The following CPAMD8 variants were observed in gnomAD, a reference collection of about 807,000 sequenced individuals.
The protein encoded by CPAMD8 is C3 and PZP-like alpha-2-macroglobulin domain-containing protein 8.
Under a neutral mutation model 224.7 loss-of-function variants are expected in CPAMD8, and 146 were observed. The ratio of observed to expected loss-of-function variants is 0.65; its 90% confidence interval spans 0.57 to 0.75. The LOEUF is 0.75. CPAMD8 is among the 30% of genes least tolerant of loss of function. The pLI is 0.00. For missense variants in CPAMD8, 2,301 were observed against 2,537.5 expected (o/e 0.91, Z 2.00); for synonymous variants, 966 against 1,044.6 (o/e 0.92, Z 1.45).
At chr19:16,940,482 A>G (rs538573988) in intron 22 of CPAMD8, among the ~76,000 whole-genome samples, 14 of 147,616 alleles carry the variant, frequency 9.5e-5, no homozygotes, top group Admixed American at 2.0e-4. Context: ...AAAGACCCCC[A>G]ACTTCACCTT....
At chr19:17,008,422 G>A in intron 7 of CPAMD8, 83 bp downstream of exon 7, 1 of 1,521,770 alleles carries the variant, frequency 6.6e-7, no homozygotes, top group Non-Finnish European at 9.0e-7. Flanking sequence ...TACATTAGCG[G>A]TGGGCCCTGG....
At chr19:16,926,058 G>C (rs1028565572) in intron 25 of CPAMD8, among the ~76,000 whole-genome samples, 4 of 151,964 alleles carry the variant, frequency 2.6e-5, no homozygotes, top group African/African-American at 9.7e-5. Context: ...ACTGCACCTG[G>C]TCCTAAAATA....
At chr19:16,948,182 C>A (rs898442113) in intron 20 of CPAMD8, among the ~76,000 whole-genome samples, 3 of 152,222 alleles carry the variant, frequency 2.0e-5, no homozygotes, top group Admixed American at 6.5e-5. Flanking sequence ...ATATATGGAG[C>A]ACCTACTGGG....
chr19:17,015,677 G>A (rs2056792446), intron 3 of CPAMD8, among the ~76,000 whole-genome samples: 1 of 152,124 alleles, frequency 6.6e-6, no homozygotes, highest in Non-Finnish European at 1.5e-5. Context: ...ATCCTCACCT[G>A]GCCCTGTTTC....
At chr19:16,987,616 A>G (rs982695059) in intron 13 of CPAMD8, among the ~76,000 whole-genome samples, 1 of 152,076 alleles carries the variant, frequency 6.6e-6, no homozygotes, top group African/African-American at 2.4e-5. Context: ...ATCTGTGTTG[A>G]TTGACTCTGG....
chr19:17,011,880 G>T, intron 3 of CPAMD8, 123 bp from the exon 4 acceptor site: 1 of 1,114,544 alleles, frequency 9.0e-7, no homozygotes, highest in Non-Finnish European at 1.3e-6. Context: ...TGCCCCAGGG[G>T]GACACTTGGC....
At position 17,022,060 on chromosome 19, in the gene CPAMD8, G is replaced by A. The variant is rs377244962; in HGVS notation, c.214C>T (p.Pro72Ser). 2.5e-6 allele frequency: 4 copies of A among 1,605,500 alleles called. No homozygotes were observed. Among genetic ancestry groups the A allele is most frequent in the Non-Finnish European group, 3.4e-6 (4 of 1,176,410 alleles). Reference protein sequence around the residue: ...VQAQLVAQGEPVVQSQGAILD... With the variant: ...VQAQLVAQGESVVQSQGAILD... ...ATGGCTCCCTGGCTCTGCACCACCG[G>A]CTCACCCTGGGCCACCAGCTGAGCC... The change falls in exon 2 of 42, where the codon CCG (proline) becomes TCG (serine). Residue 72 changes from proline (P) to serine (S), a missense_variant. Transcript: ENST00000443236.
chr19:16,920,536 G>A lies in CPAMD8; in HGVS notation c.3629+1369C>T, dbSNP rs189738456. Among the ~76,000 whole-genome samples, 394 of 151,412 alleles carry A rather than the reference G, an allele frequency of 2.6e-3. 1 individual carries two copies. The highest frequency in any genetic ancestry group is 3.5e-3 in the South Asian group (17 of 4,790). The stretch of plus-strand genomic sequence containing the variant: ...TGCTCATGCTGAGAGTTTAATCCCC[G>A]GAAGATGCTGAGGAGGTGTGTGCAC... On this transcript the variant is annotated intron_variant, in intron 27 of 41. Coordinates refer to ENST00000443236, the MANE Select transcript of CPAMD8 (RefSeq NM_015692.5).
chr19:16,906,404 T>TTCTTTCTTTCTTTCTC (rs1568459895), intron 30 of CPAMD8, among the ~76,000 whole-genome samples: 4 of 83,876 alleles, frequency 4.8e-5, no homozygotes, highest in African/African-American at 1.9e-4. Flanking sequence ...CTTTCTTTCT[T>TTCTTTCTTTCTTTCTC]TCTTTCCTTC....
At chr19:16,916,083 T>C (rs990257171) in intron 27 of CPAMD8, among the ~76,000 whole-genome samples, 2 of 151,912 alleles carry the variant, frequency 1.3e-5, no homozygotes, top group African/African-American at 2.4e-5. Flanking sequence ...GGTGCAGTCC[T>C]AACTCACTGT....
intron 20 of CPAMD8, among the ~76,000 whole-genome samples, chr19:16,947,638 C>T (rs1322678455): frequency 2.6e-5 from 4 of 152,210 alleles, no homozygotes; most frequent in African/African-American, 9.6e-5. Flanking sequence ...AACCGTGCAG[C>T]TCCATGATGT....
rs113676488 is a variant in CPAMD8 at position 16,894,882 on chromosome 19, C to A, written c.5426+1294G>T. The A allele has an allele frequency of 8.3e-4, 180 of 216,488 alleles. 1 individual carries two copies. The highest frequency in any genetic ancestry group is 3.8e-3 in the African/African-American group (169 of 44,486). The allele number at this position is 216,488 out of a possible 1,614,324, so 13.4% of individuals were successfully genotyped here. A position where few individuals can be genotyped will look rare whatever the true frequency, so the allele number is the denominator to read the frequency against. On this transcript the variant is annotated intron_variant, in intron 41 of 41. Coordinates refer to ENST00000443236, the MANE Select transcript of CPAMD8 (RefSeq NM_015692.5). ...TGATCATGTCTATGAACAGCCATGG[C>A]ACTCCAGCTTGGGCAACATACAGAG...
At chr19:17,014,284 C>A (rs1292628381) in intron 3 of CPAMD8, among the ~76,000 whole-genome samples, 1 of 152,042 alleles carries the variant, frequency 6.6e-6, no homozygotes, top group Non-Finnish European at 1.5e-5. Context: ...GGCTCAAACT[C>A]CTGGGCTCAT....
intron 1 of CPAMD8, 87 bp downstream of exon 1, chr19:17,026,464 G>A: frequency 7.5e-7 from 1 of 1,331,342 alleles, no homozygotes. Flanking sequence ...TGTGGCCTTG[G>A]GCAGGTCGCT....
intron 10 of CPAMD8, among the ~76,000 whole-genome samples, chr19:16,997,651 T>C (rs961120531): frequency 2.0e-5 from 3 of 151,450 alleles, no homozygotes; most frequent in East Asian, 2.0e-4. Flanking sequence ...AGGAGTTCGA[T>C]ATCAGTCTAG....
chr19:16,981,850 C>T (rs1412433829), intron 13 of CPAMD8, among the ~76,000 whole-genome samples: 1 of 152,220 alleles, frequency 6.6e-6, no homozygotes, highest in East Asian at 1.9e-4. Context: ...GCCTCAGTTT[C>T]CCCACCTGTA....
At chr19:16,925,882 T>C (rs1431488614) in intron 25 of CPAMD8, among the ~76,000 whole-genome samples, 1 of 152,032 alleles carries the variant, frequency 6.6e-6, no homozygotes, top group Non-Finnish European at 1.5e-5. Flanking sequence ...GCCTCCTGAG[T>C]AGCTGGGACT....
intron 5 of CPAMD8, 142 bp from the exon 6 acceptor site, chr19:17,009,462 A>T (rs1259733273): frequency 1.4e-6 from 2 of 1,412,006 alleles, no homozygotes; most frequent in African/African-American, 2.8e-5. Context: ...ACATCCGTTG[A>T]ATCCTAACCC....
rs897580491 is a variant in CPAMD8 at position 16,977,309 on chromosome 19, C to T, written c.1758+59G>A. On this transcript the variant is annotated intron_variant, in intron 15 of 41. Coordinates refer to ENST00000443236, the MANE Select transcript of CPAMD8 (RefSeq NM_015692.5). ...GTGTGCACAGACCCCCTGGCCAGCACCTTGGAGAAGCCCCGATGGCCCCTG... is the reference window on the plus strand; with the variant it reads ...GTGTGCACAGACCCCCTGGCCAGCATCTTGGAGAAGCCCCGATGGCCCCTG... 3 of 1,186,904 alleles carry T rather than the reference C, an allele frequency of 2.5e-6. 1 individual carries two copies. The highest frequency in any genetic ancestry group is 1.5e-5 in the African/African-American group (1 of 65,456). The allele number at this position is 1,186,904 out of a possible 1,614,324, so 73.5% of individuals were successfully genotyped here. A position where few individuals can be genotyped will look rare whatever the true frequency, so the allele number is the denominator to read the frequency against.
Sources: gnomAD v4.1 joint callset for allele counts (sites outside exome capture counted in the v4.1 genomes callset) on GRCh38, gnomAD v4.1.1 for gene constraint, MANE v1.5 for transcripts, NCBI Gene and HGNC (gene_info 2026-07-23, HGNC 2026-07-21) for gene names.